YIPF1: variants seen among roughly 807,000 people sequenced by gnomAD.
YIPF1 encodes protein YIPF1.
In YIPF1, 22 loss-of-function variants were observed where a neutral mutation model predicts 37.0. The ratio of observed to expected loss-of-function variants is 0.59; its 90% CI spans 0.42 to 0.85. The LOEUF (loss-of-function observed/expected upper bound fraction) is 0.85, where lower values mean the gene tolerates loss of function less well. Ranked by LOEUF, YIPF1 falls within the 40% of genes least tolerant of loss-of-function variation. The probability of loss-of-function intolerance (pLI) is 0.00; values close to 1 mark genes in which losing one functional copy is unlikely to be tolerated. For missense variants in YIPF1, 355 were observed against 373.1 expected, an observed-to-expected ratio of 0.95 and a Z score of 0.40; for synonymous variants, 128 against 131.9, an observed-to-expected ratio of 0.97 and a Z score of 0.21.
chr1:53,875,284 G>A (rs1650305797), intron 6 of YIPF1, among the ~76,000 whole-genome samples: 1 of 152,162 alleles, frequency 6.6e-6, no homozygotes, highest in South Asian at 2.1e-4. Context: ...GGAGGGTAAG[G>A]CAGGAGGATT....
In YIPF1 at chr1:53,866,852, C is replaced by T. The variant is rs1650039387; in HGVS notation, c.554G>A (p.Trp185Ter). Residue 185 changes from tryptophan (W) to a stop codon, truncating the protein, a stop_gained, in exon 8 of 11, where the codon TGG (tryptophan) becomes TAG (stop). Transcript: ENST00000072644. LOFTEE classifies it high-confidence loss of function. ...GATGTTCATAACTTTGCTGTTTCTC[C>T]ACATGAGGAAACCCCAGAGTGCAAG... is the stretch of plus-strand genomic sequence containing the variant. ...VPLALWGFLM[W>*]RNSKVMNIVS... 1 of 1,614,078 alleles carries T rather than the reference C, an allele frequency of 6.2e-7. No homozygotes were observed. Among genetic ancestry groups the T allele is most frequent in the Non-Finnish European group, 8.5e-7 (1 of 1,180,038 alleles).
intron 10 of YIPF1, among the ~76,000 whole-genome samples, chr1:53,857,049 C>T (rs912813213): frequency 2.0e-5 from 3 of 152,166 alleles, no homozygotes; most frequent in East Asian, 1.9e-4. Flanking sequence ...AGTGATCATA[C>T]AGAGAGGCCC....
rs1263933261 is a variant in YIPF1 at position 53,878,567 on chromosome 1, T to A, written c.276+75A>T. 3.9e-6 allele frequency: 6 copies of A among 1,527,620 alleles called. No homozygotes were observed. The African/African-American group carries it at 8.4e-5, about 21-fold the overall frequency. 94.6% of individuals were successfully genotyped at this position (1,527,620 alleles called of 1,614,324 possible). On this transcript the variant is annotated intron_variant, in intron 5 of 10. Transcript: ENST00000072644. ...TTTTCAGTATATAAAGGCTTTCACA[T>A]TATTTGGTTGTTCAACCATTAAAGA...
intron 4 of YIPF1, among the ~76,000 whole-genome samples, chr1:53,880,554 A>C (rs1169500216): frequency 2.0e-5 from 3 of 152,248 alleles, no homozygotes; most frequent in Non-Finnish European, 2.9e-5. Flanking sequence ...GAATTAGAAA[A>C]AAACTATTTT....
intron 7 of YIPF1, among the ~76,000 whole-genome samples, chr1:53,867,723 C>T (rs879374079): frequency 6.6e-6 from 1 of 152,218 alleles, no homozygotes; most frequent in Non-Finnish European, 1.5e-5. Flanking sequence ...ACTTGCTCTG[C>T]ATGCTCTCTA....
chr1:53,884,121 G>C (rs1402119110), intron 3 of YIPF1, among the ~76,000 whole-genome samples: 1 of 151,240 alleles, frequency 6.6e-6, no homozygotes, highest in African/African-American at 2.4e-5. Context: ...TATAATTCCA[G>C]CACTTTGGGA....
intron 3 of YIPF1, among the ~76,000 whole-genome samples, chr1:53,886,209 G>A (rs1219938919): frequency 6.6e-6 from 1 of 151,830 alleles, no homozygotes; most frequent in African/African-American, 2.4e-5. Flanking sequence ...CTCATGCAAA[G>A]GGAAGGGGAT....
At chr1:53,868,168 T>A (rs566440034) in intron 7 of YIPF1, among the ~76,000 whole-genome samples, 5 of 152,374 alleles carry the variant, frequency 3.3e-5, no homozygotes, top group South Asian at 2.1e-4. Flanking sequence ...GTAATTCTGC[T>A]GATGTACTGC....
At chr1:53,888,655 T>G (rs1417981631) in intron 3 of YIPF1, among the ~76,000 whole-genome samples, 2 of 152,340 alleles carry the variant, frequency 1.3e-5, no homozygotes, top group South Asian at 4.1e-4. Flanking sequence ...GCAGGAACTG[T>G]GTAAGCATTT....
Position 53,866,295 on chromosome 1 carries a change from A to G in YIPF1, c.736T>C (p.Phe246Leu), listed in dbSNP as rs1235911272. The G allele has an allele frequency of 6.2e-7, 1 of 1,614,146 alleles. No individual in the cohort carries two copies. The highest frequency in any genetic ancestry group is 2.2e-5 in the East Asian group (1 of 44,878). ...GISGSLLAMT[F>L]WPAVREDNRR... ...TTATCCTCACGAACAGCTGGCCAAA[A>G]TGTCATTGCCAAGAGAGATCCTGAG... is the stretch of plus-strand genomic sequence containing the variant. Residue 246 changes from phenylalanine to leucine, a missense_variant, in exon 9 of 11, where the codon TTT (phenylalanine) becomes CTT (leucine). Transcript: ENST00000072644.
chr1:53,853,706 T>G (rs558109382), intron 10 of YIPF1, among the ~76,000 whole-genome samples: 3 of 152,222 alleles, frequency 2.0e-5, no homozygotes, highest in African/African-American at 7.2e-5. Context: ...CAACAAAATA[T>G]CTGTGAAAAG....
chr1:53,878,643 TGGTA>T lies in YIPF1; in HGVS notation c.271_274del (p.Tyr91ArgfsTer19). 2 of 1,601,850 alleles carry T rather than the reference TGGTA, an allele frequency of 1.2e-6. No individual in the cohort carries two copies. Among genetic ancestry groups the T allele is most frequent in the Non-Finnish European group, 1.7e-6 (2 of 1,177,570 alleles). On this transcript the variant is annotated frameshift_variant and splice_region_variant, in exon 5 of 11. Coordinates refer to ENST00000072644, the MANE Select transcript of YIPF1 (RefSeq NM_018982.5). LOFTEE classifies it high-confidence loss of function. The stretch of plus-strand genomic sequence containing the variant: ...GAAAGGTGAAATTGGTTTCCAAACC[TGGTA>T]GGTGTCCACATCAAAGAATGTTTGG...
intron 4 of YIPF1, among the ~76,000 whole-genome samples, chr1:53,879,949 C>T (rs1224091450): frequency 6.6e-6 from 1 of 152,114 alleles, no homozygotes; most frequent in Non-Finnish European, 1.5e-5. Context: ...CCATCCCCAA[C>T]CAAGGAAAGC....
intron 9 of YIPF1, among the ~76,000 whole-genome samples, chr1:53,863,387 G>A (rs910842326): frequency 3.3e-5 from 5 of 152,168 alleles, no homozygotes; most frequent in African/African-American, 1.2e-4. Context: ...TACTGGCCCT[G>A]GCAGTGTCTG....
At chr1:53,865,370 T>C (rs979071727) in intron 9 of YIPF1, among the ~76,000 whole-genome samples, 2 of 152,132 alleles carry the variant, frequency 1.3e-5, no homozygotes, top group Non-Finnish European at 2.9e-5. Context: ...AAAAATATTC[T>C]TTAAAAATAT....
Position 53,878,333 on chromosome 1 carries a change from T to C in YIPF1, c.346A>G (p.Ser116Gly). The C allele has an allele frequency of 6.2e-7, 1 of 1,614,080 alleles. No individual in the cohort carries two copies. Among genetic ancestry groups the C allele is most frequent in the Non-Finnish European group, 8.5e-7 (1 of 1,179,974 alleles). ...GKNFVRLYIR[S>G]NPDLYGPFWI... ...AACATACCATAGAGATCTGGATTGC[T>C]GCGGATATATAACCTCACAAAGTTT... Residue 116 changes from serine to glycine, a missense_variant, in exon 6 of 11, where the codon AGC becomes GGC. Transcript: ENST00000072644.
At chr1:53,871,889 A>G (rs569271704) in intron 6 of YIPF1, among the ~76,000 whole-genome samples, 12 of 152,128 alleles carry the variant, frequency 7.9e-5, no homozygotes, top group Admixed American at 2.0e-4. Context: ...AGCATCACAG[A>G]GAAAGAAGTT....
At chr1:53,882,850 A>C (rs567890591) in intron 4 of YIPF1, 6 of 289,720 alleles carry the variant, frequency 2.1e-5, no homozygotes, top group African/African-American at 1.3e-4. Flanking sequence ...TTCCTACTCT[A>C]ATATTAGAAA....
intron 10 of YIPF1, 138 bp downstream of exon 10, chr1:53,859,918 C>G: frequency 1.4e-6 from 1 of 740,306 alleles, no homozygotes; most frequent in Non-Finnish European, 2.2e-6. Context: ...CAGACATGCA[C>G]ATGCACAAAC....
Sources: gnomAD v4.1 joint callset for allele counts (sites outside exome capture counted in the v4.1 genomes callset) on GRCh38, gnomAD v4.1.1 for gene constraint, MANE v1.5 for transcripts, NCBI Gene and HGNC (gene_info 2026-07-23, HGNC 2026-07-21) for gene names.